PPFIBP1: variants seen among roughly 807,000 people sequenced by gnomAD.
PPFIBP1 encodes liprin-beta-1.
Under a neutral mutation model 137.8 loss-of-function variants are expected in PPFIBP1, and 112 were observed. The observed-to-expected ratio is 0.81, with a 90% CI of 0.70 to 0.95. The LOEUF is 0.95. Ranked by LOEUF, PPFIBP1 falls within the 40% of genes least tolerant of loss-of-function variation. The probability of loss-of-function intolerance (pLI) is 0.00; values close to 1 mark genes in which losing one functional copy is unlikely to be tolerated. For synonymous variants in PPFIBP1, 378 were observed against 417.3 expected (o/e 0.91, Z 1.15); for missense variants, 1,083 against 1,196.6 (o/e 0.91, Z 1.40).
chr12:27,682,035 G>GA (rs11422827), intron 22 of PPFIBP1, among the ~76,000 whole-genome samples: 141,395 of 146,420 alleles, frequency 0.97, 68,347 homozygotes, highest in Non-Finnish European at 0.99. Flanking sequence ...CTTTGCAAAA[G>GA]AAAAAAAAAA....
At chr12:27,582,218 A>G (rs987009310) in intron 2 of PPFIBP1, among the ~76,000 whole-genome samples, 32 of 152,000 alleles carry the variant, frequency 2.1e-4, no homozygotes, top group African/African-American at 6.8e-4. Flanking sequence ...TGGCGTGTGT[A>G]TGTGTGTGTG....
intron 11 of PPFIBP1, among the ~76,000 whole-genome samples, chr12:27,662,230 G>A (rs915345390): frequency 6.6e-6 from 1 of 152,282 alleles, no homozygotes; most frequent in African/African-American, 2.4e-5. Context: ...AACTTGTCTC[G>A]AGACCAGGTT....
intron 2 of PPFIBP1, chr12:27,594,174 A>AT (rs35066032): frequency 0.23 from 32,376 of 139,738 alleles, 5,008 homozygotes; most frequent in Admixed American, 0.31. Flanking sequence ...CCCCTTTTCT[A>AT]TTTTTTTTTT....
At chr12:27,628,713 T>C (rs2057036621) in intron 2 of PPFIBP1, among the ~76,000 whole-genome samples, 1 of 152,232 alleles carries the variant, frequency 6.6e-6, no homozygotes, top group African/African-American at 2.4e-5. Flanking sequence ...CATTCATTAT[T>C]TAGTTCTTTT....
At chr12:27,550,977 T>TTATATATA (rs373063647) in intron 1 of PPFIBP1, among the ~76,000 whole-genome samples, 138 of 135,932 alleles carry the variant, frequency 1.0e-3, no homozygotes, top group African/African-American at 3.5e-3. Context: ...GGCACTAATT[T>TTATATATA]TATATATATA....
At chr12:27,689,674 C>T (rs1466782879) in intron 27 of PPFIBP1, among the ~76,000 whole-genome samples, 1 of 152,138 alleles carries the variant, frequency 6.6e-6, no homozygotes, top group African/African-American at 2.4e-5. Flanking sequence ...CCGCTCCTGC[C>T]TTGAGTCCTT....
At chr12:27,568,353 T>TA (rs1454903644) in intron 1 of PPFIBP1, among the ~76,000 whole-genome samples, 1 of 152,250 alleles carries the variant, frequency 6.6e-6, no homozygotes, top group Admixed American at 6.5e-5. Context: ...GTTGACTATT[T>TA]AAAAATCAAA....
intron 24 of PPFIBP1, among the ~76,000 whole-genome samples, chr12:27,686,768 G>T (rs904522199): frequency 7.9e-5 from 12 of 152,106 alleles, no homozygotes; most frequent in Non-Finnish European, 1.3e-4. Context: ...TAGGAGCGGT[G>T]CCTCACGCCT....
At chr12:27,526,750 G>A (rs546528879) in intron 1 of PPFIBP1, among the ~76,000 whole-genome samples, 3 of 152,118 alleles carry the variant, frequency 2.0e-5, no homozygotes, top group Non-Finnish European at 2.9e-5. Flanking sequence ...CAGGAGAATC[G>A]CTTGAACCCA....
intron 2 of PPFIBP1, among the ~76,000 whole-genome samples, chr12:27,600,420 G>C (rs1277933612): frequency 6.8e-6 from 1 of 147,682 alleles, no homozygotes; most frequent in Non-Finnish European, 1.5e-5. Context: ...TGGGCAACAA[G>C]AGCGAAACTC....
At chr12:27,666,514 G>A (rs1457881189) in intron 12 of PPFIBP1, among the ~76,000 whole-genome samples, 1 of 152,124 alleles carries the variant, frequency 6.6e-6, no homozygotes, top group East Asian at 1.9e-4. Context: ...TTTTAAAAAA[G>A]AATATCTGGC....
intron 2 of PPFIBP1, among the ~76,000 whole-genome samples, chr12:27,589,700 TGTA>T (rs1344744185): frequency 6.6e-6 from 1 of 152,226 alleles, no homozygotes; most frequent in Non-Finnish European, 1.5e-5. Flanking sequence ...TCTTATTCAG[TGTA>T]GACAGTCTTC....
intron 10 of PPFIBP1, among the ~76,000 whole-genome samples, chr12:27,659,807 TG>T (rs2059432795): frequency 6.6e-6 from 1 of 152,200 alleles, no homozygotes; most frequent in East Asian, 1.9e-4. Context: ...AGACTGGATG[TG>T]GTGGCTCACT....
chr12:27,681,064 A>C (rs958327379), intron 21 of PPFIBP1, among the ~76,000 whole-genome samples: 2 of 152,228 alleles, frequency 1.3e-5, no homozygotes, highest in Admixed American at 1.3e-4. Flanking sequence ...TGTGTATCTA[A>C]GTAAAAGAAA....
At chr12:27,633,662 T>C (rs1396261141) in intron 3 of PPFIBP1, among the ~76,000 whole-genome samples, 1 of 152,150 alleles carries the variant, frequency 6.6e-6, no homozygotes, top group Non-Finnish European at 1.5e-5. Flanking sequence ...TATCAAAAAT[T>C]TCAGTTCCAT....
At chr12:27,674,321 G>T (rs2060370652) in intron 17 of PPFIBP1, 100 bp downstream of exon 17, 4 of 795,762 alleles carry the variant, frequency 5.0e-6, no homozygotes, top group Non-Finnish European at 8.0e-6. Flanking sequence ...AGAACCTCTA[G>T]AACATTATGC....
intron 2 of PPFIBP1, among the ~76,000 whole-genome samples, chr12:27,613,479 G>A (rs891455486): frequency 6.6e-6 from 1 of 152,166 alleles, no homozygotes; most frequent in Non-Finnish European, 1.5e-5. Flanking sequence ...CAAGGCAGTG[G>A]ATCACCTGAG....
intron 2 of PPFIBP1, among the ~76,000 whole-genome samples, chr12:27,607,579 G>T (rs2054650122): frequency 1.3e-5 from 2 of 152,196 alleles, no homozygotes; most frequent in Admixed American, 1.3e-4. Flanking sequence ...TTCAGTAGGT[G>T]TGGGGTGGAG....
At chr12:27,582,832 G>A (rs142732673) in intron 2 of PPFIBP1, among the ~76,000 whole-genome samples, 54 of 152,324 alleles carry the variant, frequency 3.5e-4, no homozygotes, top group African/African-American at 1.3e-3. Context: ...ACCTTGAGCT[G>A]AGGTGTAATC....
Sources: allele counts gnomAD v4.1 joint callset (sites outside exome capture counted in the v4.1 genomes callset), GRCh38; gene constraint gnomAD v4.1.1; transcripts MANE v1.5; gene names NCBI Gene and HGNC (gene_info 2026-07-23, HGNC 2026-07-21).